Variants in ARHGEF7 observed in about 807,000 individuals in gnomAD.
ARHGEF7 encodes the protein PAK-interacting exchange factor beta.
A neutral mutation model predicts 109.8 loss-of-function variants in ARHGEF7; 33 were observed. The observed-to-expected ratio is 0.30, with a 90% confidence interval of 0.23 to 0.40. The LOEUF (loss-of-function observed/expected upper bound fraction) is 0.40. Among genes scored for constraint, ARHGEF7 ranks in the 10% least tolerant of loss-of-function variants. The pLI is 1.00. For missense variants in ARHGEF7, 938 were observed against 1,098.5 expected (o/e 0.85, Z 2.07); for synonymous variants, 458 against 424.6 (o/e 1.08, Z -0.97).
At chr13:111,155,886 G>T (rs1025625951) in intron 2 of ARHGEF7, among the ~76,000 whole-genome samples, 1 of 152,056 alleles carries the variant, frequency 6.6e-6, no homozygotes. Context: ...GACCAGCCTG[G>T]CCAACATGGT....
At chr13:111,290,596 G>T (rs952676871) in intron 18 of ARHGEF7, among the ~76,000 whole-genome samples, 1 of 152,242 alleles carries the variant, frequency 6.6e-6, no homozygotes, top group South Asian at 2.1e-4. Context: ...CATGACCAGG[G>T]TCCTGTGATA....
chr13:111,249,132 TC>T (rs1403318830), intron 8 of ARHGEF7, among the ~76,000 whole-genome samples: 1 of 152,160 alleles, frequency 6.6e-6, no homozygotes, highest in African/African-American at 2.4e-5. Context: ...ACCGTGGGTT[TC>T]CCCCAGCTTC....
chr13:111,136,276 A>G (rs1041268423), intron 1 of ARHGEF7, among the ~76,000 whole-genome samples: 1 of 152,166 alleles, frequency 6.6e-6, no homozygotes, highest in African/African-American at 2.4e-5. Flanking sequence ...TCCACCCCAA[A>G]TCAACAGAAT....
At position 111,145,502 on chromosome 13, in the gene ARHGEF7, G is replaced by C. The variant is rs1254937444; in HGVS notation, c.166-8403G>C. The stretch of plus-strand genomic sequence containing the variant: ...TTACAGGAGAGGCTGCCTGACAGGA[G>C]CCATGGTCTTCCGCGAGTGGTGTGT... On this transcript the variant is annotated intron_variant, in intron 1 of 21. Transcript: ENST00000646102. The surrounding 1 kb of genome is among the most constrained non-coding windows in gnomAD (Gnocchi z 4.3). 1.3e-5 allele frequency among the ~76,000 whole-genome samples: 2 copies of C among 152,224 alleles called. No homozygotes were observed. Among genetic ancestry groups the C allele is most frequent in the Admixed American group, 1.3e-4 (2 of 15,286 alleles).
At chr13:111,183,586 A>G (rs1298270595) in intron 2 of ARHGEF7, among the ~76,000 whole-genome samples, 2 of 152,164 alleles carry the variant, frequency 1.3e-5, no homozygotes, top group Non-Finnish European at 2.9e-5. Flanking sequence ...TAGTGCATAA[A>G]CTACATGTAC....
At chr13:111,183,707 A>C (rs996152506) in intron 2 of ARHGEF7, among the ~76,000 whole-genome samples, 1 of 152,174 alleles carries the variant, frequency 6.6e-6, no homozygotes, top group East Asian at 1.9e-4. Flanking sequence ...GAGGGAATTT[A>C]ATATACTTGC....
At chr13:111,222,937 T>C (rs958342828) in intron 5 of ARHGEF7, among the ~76,000 whole-genome samples, 1 of 152,252 alleles carries the variant, frequency 6.6e-6, no homozygotes, top group Admixed American at 6.5e-5. Flanking sequence ...CAGTAAGATA[T>C]CTTGAGAGAA....
At chr13:111,226,729 A>C (rs1003312642) in intron 5 of ARHGEF7, among the ~76,000 whole-genome samples, 1 of 152,248 alleles carries the variant, frequency 6.6e-6, no homozygotes, top group Non-Finnish European at 1.5e-5. Context: ...ACTGCAGCTC[A>C]TGGGTCAAGG....
In ARHGEF7 at chr13:111,260,828, A is replaced by C. The variant is rs149466181; in HGVS notation, c.951-6720A>C. 6.6e-3 allele frequency among the ~76,000 whole-genome samples: 1,013 copies of C among 152,348 alleles called. 6 individuals carry two copies. The highest frequency in any genetic ancestry group is 0.023 in the African/African-American group (962 of 41,570). On this transcript the variant is annotated intron_variant, in intron 8 of 21. Coordinates refer to ENST00000646102, the MANE Select transcript of ARHGEF7 (RefSeq NM_001354046.2). ...TAAGATATAAGTAGAAACAACAAAA[A>C]GTTAAAAAGCACAAGGACAAAGTTA... is the stretch of plus-strand genomic sequence containing the variant.
intron 1 of ARHGEF7, among the ~76,000 whole-genome samples, chr13:111,115,900 G>A (rs1457908969): frequency 2.7e-5 from 4 of 150,552 alleles, no homozygotes; most frequent in Non-Finnish European, 5.9e-5. Context: ...CCGGGGAGCG[G>A]GGTCGGGGGG....
intron 9 of ARHGEF7, among the ~76,000 whole-genome samples, chr13:111,271,438 A>T (rs1398187896): frequency 6.6e-6 from 1 of 152,208 alleles, no homozygotes; most frequent in Non-Finnish European, 1.5e-5. Context: ...GGCTCATGTC[A>T]ATGCAGCCTG....
At chr13:111,277,801 A>G in intron 13 of ARHGEF7, 128 bp downstream of exon 13, 2 of 614,568 alleles carry the variant, frequency 3.3e-6, no homozygotes, top group Admixed American at 5.7e-5. Context: ...CTGTATATTC[A>G]GATATGGACG....
chr13:111,171,979 C>G (rs1270172657), intron 2 of ARHGEF7, among the ~76,000 whole-genome samples: 2 of 152,214 alleles, frequency 1.3e-5, no homozygotes, highest in African/African-American at 4.8e-5. Context: ...CTTGGACTTC[C>G]CAGTTCCAGA....
At chr13:111,173,824 C>T (rs542336352) in intron 2 of ARHGEF7, among the ~76,000 whole-genome samples, 115 of 152,140 alleles carry the variant, frequency 7.6e-4, no homozygotes, top group Middle Eastern at 3.4e-3. Context: ...GGGGTGTGCC[C>T]GTGAGACAGG....
chr13:111,280,324 A>G lies in ARHGEF7; in HGVS notation c.1559A>G (p.Asn520Ser). The G allele has an allele frequency of 6.2e-7, 1 of 1,613,742 alleles. No individual in the cohort carries two copies. Among genetic ancestry groups the G allele is most frequent in the East Asian group, 2.2e-5 (1 of 44,864 alleles). ...MTITKLEDSE[N>S]HRNAFEISGS... is the part of the protein sequence containing the mutation. ...ATCACAAAGCTTGAGGACAGTGAAAATCATAGAAATGCATTTGAAATATCA... is the reference window on the plus strand; with the variant it reads ...ATCACAAAGCTTGAGGACAGTGAAAGTCATAGAAATGCATTTGAAATATCA... The change falls in exon 14 of 22, where the codon AAT (asparagine) becomes AGT (serine). Residue 520 changes from asparagine to serine, a missense_variant. Coordinates refer to ENST00000646102, the MANE Select transcript of ARHGEF7 (RefSeq NM_001354046.2).
At chr13:111,189,562 A>G (rs2079626479) in intron 2 of ARHGEF7, among the ~76,000 whole-genome samples, 1 of 151,932 alleles carries the variant, frequency 6.6e-6, no homozygotes, top group Non-Finnish European at 1.5e-5. Context: ...GACCCAAAGA[A>G]TGAGCAGCAG....
At chr13:111,287,049 G>A (rs756235524) in intron 17 of ARHGEF7, among the ~76,000 whole-genome samples, 7 of 152,182 alleles carry the variant, frequency 4.6e-5, no homozygotes, top group Non-Finnish European at 7.3e-5. Flanking sequence ...CGTCCCACAC[G>A]CTCACTGTGC....
chr13:111,249,748 TCTC>T (rs1167201739), intron 8 of ARHGEF7, among the ~76,000 whole-genome samples: 1 of 152,020 alleles, frequency 6.6e-6, no homozygotes, highest in Non-Finnish European at 1.5e-5. Flanking sequence ...TCACAAGAAA[TCTC>T]CTTGTGAGCA....
rs2092315725 is a variant in ARHGEF7 at position 111,273,662 on chromosome 13, C to T, written c.1074-152C>T. On this transcript the variant is annotated intron_variant, in intron 9 of 21. Coordinates refer to ENST00000646102, the MANE Select transcript of ARHGEF7 (RefSeq NM_001354046.2). The surrounding 1 kb of genome is among the most constrained non-coding windows in gnomAD (Gnocchi z 4.5). ...GTCCCCTTTGGCATTTCCAGATAAGCAGCGCAGATTTGGGATAAAAGCTGG... is the reference window on the plus strand; with the variant it reads ...GTCCCCTTTGGCATTTCCAGATAAGTAGCGCAGATTTGGGATAAAAGCTGG... 8.7e-6 allele frequency: 9 copies of T among 1,039,082 alleles called. No individual in the cohort carries two copies. The highest frequency in any genetic ancestry group is 1.6e-5 in the African/African-American group (1 of 62,664). 64.4% of individuals were successfully genotyped at this position (1,039,082 alleles called of 1,614,324 possible). A position where few individuals can be genotyped will look rare whatever the true frequency, so the allele number is the denominator to read the frequency against.
Sources: gnomAD v4.1 joint callset for allele counts (sites outside exome capture counted in the v4.1 genomes callset) on GRCh38, gnomAD v4.1.1 for gene constraint, Gnocchi (gnomAD v3.1) non-coding constraint, MANE v1.5 for transcripts, NCBI Gene and HGNC (gene_info 2026-07-23, HGNC 2026-07-21) for gene names.